RGS18: variants seen among roughly 807,000 people sequenced by gnomAD.
The protein encoded by RGS18 is regulator of G-protein signaling 18.
RGS18 carries 22 observed loss-of-function variants against 27.6 expected under a neutral mutation model. The observed-to-expected ratio is 0.80, with a 90% CI of 0.57 to 1.14. RGS18 has a LOEUF of 1.14. Ranked by LOEUF, RGS18 falls within the 50% of genes most tolerant of loss-of-function variation. The pLI is 0.00. For missense variants in RGS18, 299 were observed against 269.6 expected, an observed-to-expected ratio of 1.11 and a Z score of -0.76; for synonymous variants, 89 against 84.6, an observed-to-expected ratio of 1.05 and a Z score of -0.29.
chr1:192,184,341 C>T lies in RGS18; in HGVS notation c.495C>T (p.Ile165=), dbSNP rs753517745. Residue 165 remains isoleucine, a synonymous_variant, in exon 5 of 5, where the codon ATC becomes ATT. Transcript: ENST00000367460. ...CAAAAGAAGTCATTACAAACAGCAT[C>T]ACTCAACCTACCCTCCACAGTTTTG... ...FHTKEVITNS[I]TQPTLHSFDA... The T allele has an allele frequency of 1.9e-6, 3 of 1,611,016 alleles. No individual in the cohort carries two copies. The Admixed American group carries it at 5.0e-5, about 27-fold the overall frequency.
chr1:192,182,394 G>C (rs1398676140), intron 4 of RGS18, among the ~76,000 whole-genome samples: 2 of 151,548 alleles, frequency 1.3e-5, no homozygotes, highest in African/African-American at 2.4e-5. Context: ...TAACCGAAGT[G>C]AGTTGGTATC....
intron 4 of RGS18, among the ~76,000 whole-genome samples, chr1:192,182,837 T>C (rs1656479319): frequency 6.6e-6 from 1 of 151,624 alleles, no homozygotes; most frequent in South Asian, 2.1e-4. Context: ...GTTTGCATCA[T>C]ATACCAATTT....
intron 3 of RGS18, among the ~76,000 whole-genome samples, chr1:192,171,411 G>A (rs767047344): frequency 7.2e-5 from 11 of 152,060 alleles, no homozygotes; most frequent in Admixed American, 3.9e-4. Flanking sequence ...GACAAGTTCT[G>A]TAAGTTGCTT....
chr1:192,167,053 C>T (rs1656174601), intron 3 of RGS18, among the ~76,000 whole-genome samples: 1 of 152,128 alleles, frequency 6.6e-6, no homozygotes, highest in Admixed American at 6.5e-5. Flanking sequence ...TAGTCTTAAC[C>T]TTTGTATTAA....
chr1:192,164,508 A>T (rs79335877), intron 3 of RGS18, among the ~76,000 whole-genome samples: 3 of 149,478 alleles, frequency 2.0e-5, no homozygotes, highest in East Asian at 1.9e-4. Flanking sequence ...TTTTAAAATT[A>T]AAAAAAAAAT....
In RGS18 at chr1:192,159,318, C is replaced by A. The variant is rs780346146; in HGVS notation, c.218C>A (p.Thr73Lys). 1.2e-6 allele frequency: 2 copies of A among 1,604,126 alleles called. No individual in the cohort carries two copies. Among genetic ancestry groups the A allele is most frequent in the Non-Finnish European group, 1.7e-6 (2 of 1,171,488 alleles). The change falls in exon 2 of 5, where the codon ACA becomes AAA. Residue 73 changes from threonine to lysine, a missense_variant. Physicochemically the swap from Thr to Lys is moderately conservative, Grantham distance 78 (BLOSUM62 -1). Transcript: ENST00000367460. ...AGATCTGGGCACTTGGCCAAAGAAACAAGGTGAATAAATTTTCAGTATTTT... is the reference window on the plus strand; with the variant it reads ...AGATCTGGGCACTTGGCCAAAGAAAAAAGGTGAATAAATTTTCAGTATTTT... ...SSRSGHLAKE[T>K]RVSPEEAVKW...
chr1:192,174,184 A>G (rs1195148419), intron 3 of RGS18, among the ~76,000 whole-genome samples: 1 of 151,778 alleles, frequency 6.6e-6, no homozygotes, highest in Non-Finnish European at 1.5e-5. Flanking sequence ...TGTGTTTACT[A>G]CATATTTATC....
At chr1:192,176,352 A>G (rs1656357783) in intron 3 of RGS18, among the ~76,000 whole-genome samples, 1 of 151,826 alleles carries the variant, frequency 6.6e-6, no homozygotes, top group Non-Finnish European at 1.5e-5. Flanking sequence ...TCAATTCAGC[A>G]AGACTTCTTA....
intron 4 of RGS18, 118 bp downstream of exon 4, chr1:192,181,576 A>G (rs924337025): frequency 1.4e-5 from 9 of 662,886 alleles, no homozygotes; most frequent in South Asian, 5.6e-5. Flanking sequence ...TTTATAATTG[A>G]CATGTAATAA....
intron 3 of RGS18, among the ~76,000 whole-genome samples, chr1:192,175,359 T>C (rs1656341534): frequency 6.6e-6 from 1 of 151,806 alleles, no homozygotes; most frequent in Non-Finnish European, 1.5e-5. Context: ...GAGGAAGACA[T>C]AGGAGTCTAA....
At chr1:192,178,355 G>C (rs1395513092) in intron 3 of RGS18, among the ~76,000 whole-genome samples, 1 of 151,606 alleles carries the variant, frequency 6.6e-6, no homozygotes, top group African/African-American at 2.4e-5. Flanking sequence ...CAGGAAAAAG[G>C]CTTGAGATAA....
chr1:192,181,860 T>G (rs578169025), intron 4 of RGS18, among the ~76,000 whole-genome samples: 1 of 151,760 alleles, frequency 6.6e-6, no homozygotes, highest in South Asian at 2.1e-4. Flanking sequence ...CCTTCCTACC[T>G]TACCTAGCCC....
At chr1:192,180,363 T>C (rs891400167) in intron 3 of RGS18, among the ~76,000 whole-genome samples, 1 of 151,492 alleles carries the variant, frequency 6.6e-6, no homozygotes, top group Non-Finnish European at 1.5e-5. Flanking sequence ...TTTTAAATAT[T>C]GAAAAACTAA....
At position 192,159,272 on chromosome 1, in the gene RGS18, C is replaced by G. The variant is rs1437327468; in HGVS notation, c.172C>G (p.His58Asp). Reference protein sequence around the residue: ...LSLLVQKPEFHEDTRSSRSGH... With the variant: ...LSLLVQKPEFDEDTRSSRSGH... ...TCTTCTTGTGCAGAAACCTGAGTTT[C>G]ATGAAGACACCCGCTCCAGTAGATC... The change falls in exon 2 of 5, where the codon CAT becomes GAT. Residue 58 changes from histidine (H) to aspartate (D), a missense_variant. By Grantham distance (81) the His-to-Asp change is moderately conservative. Coordinates refer to ENST00000367460, the MANE Select transcript of RGS18 (RefSeq NM_130782.3). 1.9e-6 allele frequency: 3 copies of G among 1,613,750 alleles called. No homozygotes were observed. Among genetic ancestry groups the G allele is most frequent in the East Asian group, 2.2e-5 (1 of 44,862 alleles).
chr1:192,158,772 T>G lies in RGS18; in HGVS notation c.119+16T>G, dbSNP rs1204936239. The G allele has an allele frequency of 2.0e-6, 3 of 1,490,016 alleles. No individual in the cohort carries two copies. The East Asian group carries it at 7.0e-5, about 35-fold the overall frequency. 92.3% of individuals were successfully genotyped at this position (1,490,016 alleles called of 1,614,324 possible). ...CCAAAATCAGGTAAAATTGTACAAT[T>G]TTAAGTCAGCCTTATACTTTTAAAA... On this transcript the variant is annotated intron_variant, in intron 1 of 4. Coordinates refer to ENST00000367460, the MANE Select transcript of RGS18 (RefSeq NM_130782.3).
Position 192,180,045 on chromosome 1 carries a change from A to T in RGS18, c.284-1247A>T, listed in dbSNP as rs148263956. 1.5e-3 allele frequency among the ~76,000 whole-genome samples: 231 copies of T among 151,786 alleles called. 1 individual carries two copies. The highest frequency in any genetic ancestry group is 3.4e-3 in the Middle Eastern group (1 of 294). ...CAAAATAAAAAAGTTTAACTTTTAC[A>T]AGGCTTAAAAATAAGTAGAGTTAAA... On this transcript the variant is annotated intron_variant, in intron 3 of 4. Coordinates refer to ENST00000367460, the MANE Select transcript of RGS18 (RefSeq NM_130782.3).
rs554946347 is a variant in RGS18, at chr1:192,164,141, G to A, written c.283+3702G>A. On this transcript the variant is annotated intron_variant, in intron 3 of 4. Coordinates refer to ENST00000367460, the MANE Select transcript of RGS18 (RefSeq NM_130782.3). Reference sequence around the variant, plus strand: ...GTTAATATTAGAACCATCATAAACTGATTATTAGCAGTTTTAGGAATGAAA... The same window carrying A: ...GTTAATATTAGAACCATCATAAACTAATTATTAGCAGTTTTAGGAATGAAA... Among the ~76,000 whole-genome samples, 10 of 152,092 alleles carry A rather than the reference G, an allele frequency of 6.6e-5. No individual in the cohort carries two copies. The South Asian group carries it at 1.7e-3, about 25-fold the overall frequency.
intron 3 of RGS18, among the ~76,000 whole-genome samples, chr1:192,171,285 T>G (rs568918252): frequency 6.6e-6 from 1 of 152,082 alleles, no homozygotes; most frequent in Middle Eastern, 3.4e-3. Context: ...ACTTGATCAC[T>G]CTTGCTTCTC....
intron 3 of RGS18, among the ~76,000 whole-genome samples, chr1:192,176,623 G>T (rs1656363646): frequency 6.6e-6 from 1 of 151,538 alleles, no homozygotes; most frequent in South Asian, 2.1e-4. Context: ...TTAAGGTAGT[G>T]CTCTATAGAT....
Sources: allele counts gnomAD v4.1 joint callset (sites outside exome capture counted in the v4.1 genomes callset), GRCh38; gene constraint gnomAD v4.1.1; transcripts MANE v1.5; gene names NCBI Gene and HGNC (gene_info 2026-07-23, HGNC 2026-07-21).